TIMP2: variants seen among roughly 807,000 people sequenced by gnomAD.
TIMP2 encodes the protein metalloproteinase inhibitor 2.
In TIMP2, 5 loss-of-function variants were observed where a neutral mutation model predicts 24.3. That is an observed-to-expected ratio of 0.21 (90% CI 0.11 to 0.43). TIMP2 has a LOEUF of 0.43. Ranked by LOEUF, TIMP2 falls within the 20% of genes least tolerant of loss-of-function variation. The pLI is 1.00. For synonymous variants in TIMP2, 130 were observed against 123.2 expected (o/e 1.06, Z -0.37); for missense variants, 221 against 297.5 (o/e 0.74, Z 1.89).
intron 1 of TIMP2, among the ~76,000 whole-genome samples, chr17:78,875,693 G>A (rs963640750): frequency 2.0e-5 from 3 of 152,136 alleles, no homozygotes; most frequent in Admixed American, 6.5e-5. Context: ...AGCAGACCAC[G>A]CCAGGCTCCA....
At position 78,920,783 on chromosome 17, in the gene TIMP2, G is replaced by A. The variant is rs1487477921; in HGVS notation, c.130+4176C>T. Among the ~76,000 whole-genome samples the A allele has an allele frequency of 2.6e-5, 4 of 152,062 alleles. No homozygotes were observed. Among genetic ancestry groups the A allele is most frequent in the Admixed American group, 1.3e-4 (2 of 15,268 alleles). The stretch of plus-strand genomic sequence containing the variant: ...TGGACTGACTTTATACCACACCTGG[G>A]CAGTTGAGGAGGGGAGGCCTGCTCA... On this transcript the variant is annotated intron_variant, in intron 1 of 4. Coordinates refer to ENST00000262768, the MANE Select transcript of TIMP2 (RefSeq NM_003255.5). This position sits in a 1 kb window ranked among gnomAD's most constrained non-coding sequence, Gnocchi z 4.5.
At chr17:78,909,533 C>T (rs7220393) in intron 1 of TIMP2, among the ~76,000 whole-genome samples, 64,588 of 150,670 alleles carry the variant, frequency 0.43, 14,064 homozygotes, top group African/African-American at 0.47. Flanking sequence ...TGAAGCACCC[C>T]GTACCCCATC....
At chr17:78,921,258 T>C (rs777059261) in intron 1 of TIMP2, among the ~76,000 whole-genome samples, 3 of 151,948 alleles carry the variant, frequency 2.0e-5, no homozygotes, top group Non-Finnish European at 4.4e-5. Flanking sequence ...CCCCAGAAAA[T>C]AGCAGTTGTT....
intron 1 of TIMP2, among the ~76,000 whole-genome samples, chr17:78,918,099 C>CA (rs1555653022): frequency 1.3e-4 from 20 of 150,646 alleles, no homozygotes; most frequent in Non-Finnish European, 1.9e-4. Flanking sequence ...CACACACACA[C>CA]AACTTCACTT....
At chr17:78,869,864 C>T (rs1474301910) in intron 3 of TIMP2, among the ~76,000 whole-genome samples, 2 of 152,096 alleles carry the variant, frequency 1.3e-5, no homozygotes, top group Non-Finnish European at 2.9e-5. Context: ...GTAACGTGAA[C>T]GAACCTTGAA....
chr17:78,911,422 G>GT (rs1201675746), intron 1 of TIMP2, among the ~76,000 whole-genome samples: 10 of 151,680 alleles, frequency 6.6e-5, no homozygotes, highest in East Asian at 3.9e-4. Flanking sequence ...TGCTTTTGTT[G>GT]TTTTTGTTTT....
At chr17:78,909,285 G>T (rs927018238) in intron 1 of TIMP2, among the ~76,000 whole-genome samples, 1 of 151,946 alleles carries the variant, frequency 6.6e-6, no homozygotes, top group Non-Finnish European at 1.5e-5. Flanking sequence ...AGCCCAGGTG[G>T]TTAAAGCTAC....
intron 1 of TIMP2, among the ~76,000 whole-genome samples, chr17:78,875,200 C>T (rs2069718885): frequency 6.6e-6 from 1 of 152,154 alleles, no homozygotes; most frequent in South Asian, 2.1e-4. Context: ...TACAGTAACA[C>T]AGAGTCTATC....
chr17:78,893,160 GGT>G (rs545430208), intron 1 of TIMP2, among the ~76,000 whole-genome samples: 6 of 144,220 alleles, frequency 4.2e-5, no homozygotes, highest in Admixed American at 6.9e-5. Flanking sequence ...TGTGTGCAGG[GGT>G]GTGTGTGCAT....
chr17:78,883,832 C>T (rs1418372402), intron 1 of TIMP2, among the ~76,000 whole-genome samples: 2 of 152,212 alleles, frequency 1.3e-5, no homozygotes, highest in African/African-American at 4.8e-5. Context: ...ACCCCAGGGC[C>T]CTGCCCCCTC....
At chr17:78,901,742 C>T (rs1157671499) in intron 1 of TIMP2, 4 of 717,254 alleles carry the variant, frequency 5.6e-6, no homozygotes, top group Admixed American at 4.0e-5. Context: ...CTTGTCACCA[C>T]GAGAAGCACC....
intron 3 of TIMP2, 86 bp downstream of exon 3, chr17:78,870,812 G>C: frequency 8.4e-7 from 1 of 1,189,458 alleles, no homozygotes; most frequent in Non-Finnish European, 1.2e-6. Flanking sequence ...CCCACCCCCC[G>C]AGCCTGGGAA....
At chr17:78,918,076 A>ACACT (rs2070277834) in intron 1 of TIMP2, among the ~76,000 whole-genome samples, 4 of 146,208 alleles carry the variant, frequency 2.7e-5, no homozygotes, top group Admixed American at 1.3e-4. Context: ...ACACACACAC[A>ACACT]CACACACACA....
chr17:78,923,392 G>C (rs1164042323), intron 1 of TIMP2, among the ~76,000 whole-genome samples: 1 of 90,026 alleles, frequency 1.1e-5, no homozygotes, highest in Non-Finnish European at 2.6e-5. Flanking sequence ...TGTGTGGGGC[G>C]GGGTGGGGGG....
chr17:78,869,849 AT>A (rs1329157349), intron 3 of TIMP2, among the ~76,000 whole-genome samples: 4 of 152,214 alleles, frequency 2.6e-5, no homozygotes. Context: ...ATTCTGATGT[AT>A]GCTGTAACGT....
chr17:78,890,628 C>T, intron 1 of TIMP2: 2 of 1,546,890 alleles, frequency 1.3e-6, no homozygotes, highest in South Asian at 1.2e-5. Flanking sequence ...CCCGGGTGGG[C>T]CTCTCGCATT....
chr17:78,867,995 T>G (rs549880865), intron 3 of TIMP2, among the ~76,000 whole-genome samples: 1 of 152,210 alleles, frequency 6.6e-6, no homozygotes, highest in Non-Finnish European at 1.5e-5. Flanking sequence ...GGAACATCTG[T>G]GTGCTCCATG....
At chr17:78,892,051 G>A in intron 1 of TIMP2, 2 of 1,551,206 alleles carry the variant, frequency 1.3e-6, no homozygotes, top group Non-Finnish European at 8.7e-7. Context: ...GCCCCTGCGA[G>A]TCAGGCTCAT....
chr17:78,907,668 C>T (rs550391742), intron 1 of TIMP2, among the ~76,000 whole-genome samples: 3 of 152,258 alleles, frequency 2.0e-5, no homozygotes, highest in East Asian at 3.9e-4. Context: ...AAAATGGCAC[C>T]GATAGACTCA....
Sources: allele counts gnomAD v4.1 joint callset (sites outside exome capture counted in the v4.1 genomes callset), GRCh38; gene constraint gnomAD v4.1.1; non-coding constraint Gnocchi (gnomAD v3.1); transcripts MANE v1.5; gene names NCBI Gene and HGNC (gene_info 2026-07-23, HGNC 2026-07-21).